PPM1E: variants seen among roughly 807,000 people sequenced by gnomAD.
PPM1E encodes protein phosphatase 1E.
In PPM1E, 20 loss-of-function variants were observed where a neutral mutation model predicts 65.9. The ratio of observed to expected loss-of-function variants is 0.30; its 90% CI spans 0.21 to 0.44. PPM1E has a LOEUF of 0.44. Among genes scored for constraint, PPM1E ranks in the 20% least tolerant of loss-of-function variants. The pLI is 1.00. For missense variants in PPM1E, 713 were observed against 953.1 expected, an observed-to-expected ratio of 0.75 and a Z score of 3.32; for synonymous variants, 352 against 374.9, an observed-to-expected ratio of 0.94 and a Z score of 0.70.
chr17:58,912,232 A>G (rs2058688864), intron 1 of PPM1E, among the ~76,000 whole-genome samples: 1 of 152,178 alleles, frequency 6.6e-6, no homozygotes, highest in African/African-American at 2.4e-5. Flanking sequence ...GGCTGCTTGC[A>G]GGCTAGAAAC....
At chr17:58,768,458 C>T (rs964900997) in intron 1 of PPM1E, among the ~76,000 whole-genome samples, 6 of 152,170 alleles carry the variant, frequency 3.9e-5, no homozygotes, top group East Asian at 1.9e-4. Flanking sequence ...AAAGAGCATC[C>T]GCTTCCCTGA....
intron 3 of PPM1E, among the ~76,000 whole-genome samples, chr17:58,967,757 C>T (rs1418554668): frequency 6.7e-6 from 1 of 149,946 alleles, no homozygotes; most frequent in African/African-American, 2.4e-5. Context: ...AAAATGAGTA[C>T]TGCTTTAGTA....
In PPM1E at chr17:58,756,350, C is replaced by CGCCCCAGCT; in HGVS notation, c.357_365dup (p.Gln120_Pro122dup). 1 of 1,379,990 alleles carries CGCCCCAGCT rather than the reference C, an allele frequency of 7.2e-7. No homozygotes were observed. The highest frequency in any genetic ancestry group is 9.3e-7 in the Non-Finnish European group (1 of 1,070,272). 85.5% of individuals were successfully genotyped at this position (1,379,990 alleles called of 1,614,324 possible). A position where few individuals can be genotyped will look rare whatever the true frequency, so the allele number is the denominator to read the frequency against. Reference sequence around the variant, plus strand: ...GGGCACTCGGCCGTGCCGCCGCCGCCGCCCCAGCTGCCGCCTTTGCCCCCG... The same window carrying CGCCCCAGCT: ...GGGCACTCGGCCGTGCCGCCGCCGCCGCCCCAGCTGCCCCAGCTGCCGCCTTTGCCCCCG... On this transcript the variant is annotated inframe_insertion, in exon 1 of 7. Transcript: ENST00000308249.
In PPM1E at chr17:58,985,110, GTTCA is replaced by G. The variant is rs1377652772; in HGVS notation, c.*4084_*4087del. On this transcript the variant is annotated 3_prime_UTR_variant, in exon 7 of 7. Coordinates refer to ENST00000308249, the MANE Select transcript of PPM1E (RefSeq NM_014906.5). ...TGATCCTTCATATTTTATTAAAAGT[GTTCA>G]TTCAGGTAAGGTGTATGTTGAAATT... 1.3e-5 allele frequency: 2 copies of G among 152,580 alleles called. No homozygotes were observed. Among genetic ancestry groups the G allele is most frequent in the Non-Finnish European group, 2.9e-5 (2 of 68,028 alleles). The allele number at this position is 152,580 out of a possible 1,614,324, so 9.5% of individuals were successfully genotyped here.
rs552485152 is a variant in PPM1E, at chr17:58,863,491, C to T, written c.465-92158C>T. Among the ~76,000 whole-genome samples, 11 of 152,320 alleles carry T rather than the reference C, an allele frequency of 7.2e-5. No homozygotes were observed. The South Asian group carries it at 2.3e-3, about 32-fold the overall frequency. ...TGCCATCTGGAGGGAGTGCCGGCTACCCCTAGAGCCCCAGAGGGCATATCA... is the reference window on the plus strand; with the variant it reads ...TGCCATCTGGAGGGAGTGCCGGCTATCCCTAGAGCCCCAGAGGGCATATCA... On this transcript the variant is annotated intron_variant, in intron 1 of 6. Transcript: ENST00000308249.
intron 1 of PPM1E, among the ~76,000 whole-genome samples, chr17:58,889,602 A>G (rs896429612): frequency 6.6e-6 from 1 of 151,478 alleles, no homozygotes; most frequent in Non-Finnish European, 1.5e-5. Context: ...CGTCTCAAGA[A>G]AAAAAAAAAT....
chr17:58,942,498 T>C (rs1446388955), intron 1 of PPM1E, among the ~76,000 whole-genome samples: 4 of 152,226 alleles, frequency 2.6e-5, no homozygotes, highest in Admixed American at 2.0e-4. Flanking sequence ...ACTCACTTAT[T>C]TGGACTCATC....
At chr17:58,817,819 T>G (rs1343224465) in intron 1 of PPM1E, among the ~76,000 whole-genome samples, 14 of 152,158 alleles carry the variant, frequency 9.2e-5, no homozygotes, top group Admixed American at 9.2e-4. Context: ...TGGCACGATC[T>G]CCGCTCACTG....
chr17:58,847,476 G>A (rs972525850), intron 1 of PPM1E, among the ~76,000 whole-genome samples: 11 of 152,108 alleles, frequency 7.2e-5, no homozygotes, highest in African/African-American at 2.7e-4. Context: ...TCCAGTTTCA[G>A]CTTTCTACAT....
chr17:58,876,419 G>A (rs4474748), intron 1 of PPM1E, among the ~76,000 whole-genome samples: 151,620 of 152,244 alleles, frequency 1, 75,501 homozygotes, highest in Middle Eastern at 1. Flanking sequence ...GCTTTCTTGA[G>A]GATAAACAAA....
In PPM1E at chr17:58,933,907, C is replaced by T. The variant is rs144571358; in HGVS notation, c.465-21742C>T. On this transcript the variant is annotated intron_variant, in intron 1 of 6. Coordinates refer to ENST00000308249, the MANE Select transcript of PPM1E (RefSeq NM_014906.5). ...GTCAGGAGTTCAAGACCAGCCTGGC[C>T]AAGATGCTGAAACTCCATCTCTAGT... Among the ~76,000 whole-genome samples the T allele has an allele frequency of 1.7e-3, 251 of 151,924 alleles. 3 individuals are homozygous for T. Among genetic ancestry groups the T allele is most frequent in the African/African-American group, 5.4e-3 (224 of 41,432 alleles).
chr17:58,897,992 G>T (rs2051444791), intron 1 of PPM1E, among the ~76,000 whole-genome samples: 1 of 152,102 alleles, frequency 6.6e-6, no homozygotes, highest in African/African-American at 2.4e-5. Context: ...TGGGCACGGT[G>T]GCTCATGCCT....
rs9909803 is a variant in PPM1E, at chr17:58,881,084, A to T, written c.465-74565A>T. Among the ~76,000 whole-genome samples, 139 of 152,294 alleles carry T rather than the reference A, an allele frequency of 9.1e-4. 1 individual carries two copies. Among genetic ancestry groups the T allele is most frequent in the African/African-American group, 3.3e-3 (136 of 41,548 alleles). ...GTCTTGCTTTGTTTTTGCAATCCTA[A>T]TTAAGGATAATATTCACTTCCCATC... On this transcript the variant is annotated intron_variant, in intron 1 of 6. Transcript: ENST00000308249.
intron 1 of PPM1E, among the ~76,000 whole-genome samples, chr17:58,871,816 CAAA>C (rs56173332): frequency 3.5e-3 from 497 of 143,268 alleles, no homozygotes; most frequent in African/African-American, 7.7e-3. Flanking sequence ...GACCCTGTCT[CAAA>C]AAAAAAAAAA....
chr17:58,823,013 A>G (rs1021876811), intron 1 of PPM1E, among the ~76,000 whole-genome samples: 1 of 152,012 alleles, frequency 6.6e-6, no homozygotes, highest in African/African-American at 2.4e-5. Context: ...TACGATGATT[A>G]TTGCTCTTCT....
chr17:58,777,010 T>G (rs1177714319), intron 1 of PPM1E, among the ~76,000 whole-genome samples: 1 of 152,052 alleles, frequency 6.6e-6, no homozygotes, highest in Non-Finnish European at 1.5e-5. Context: ...AGCAGGAAGA[T>G]TGCTTGAACC....
At chr17:58,842,699 G>C (rs1165808034) in intron 1 of PPM1E, among the ~76,000 whole-genome samples, 1 of 151,986 alleles carries the variant, frequency 6.6e-6, no homozygotes, top group Non-Finnish European at 1.5e-5. Context: ...AGCACTTTGG[G>C]AGGCCAAGGC....
intron 1 of PPM1E, among the ~76,000 whole-genome samples, chr17:58,823,430 A>T (rs1216941351): frequency 6.6e-6 from 1 of 152,220 alleles, no homozygotes; most frequent in African/African-American, 2.4e-5. Flanking sequence ...TGAAAAGGCA[A>T]AGACCTTATT....
intron 1 of PPM1E, among the ~76,000 whole-genome samples, chr17:58,764,930 T>C (rs886338269): frequency 6.6e-6 from 1 of 151,968 alleles, no homozygotes; most frequent in African/African-American, 2.4e-5. Context: ...TATAGGCCTA[T>C]TATCATCATC....
Sources: gnomAD v4.1 joint callset for allele counts (sites outside exome capture counted in the v4.1 genomes callset) on GRCh38, gnomAD v4.1.1 for gene constraint, MANE v1.5 for transcripts, NCBI Gene and HGNC (gene_info 2026-07-23, HGNC 2026-07-21) for gene names.